The following COL4A1 variants were observed in gnomAD, a reference collection of about 807,000 sequenced individuals.
COL4A1 encodes collagen alpha-1(IV) chain.
In COL4A1, 40 loss-of-function variants were observed where a neutral mutation model predicts 216.6. That is an observed-to-expected ratio of 0.18 (90% CI 0.14 to 0.24). The LOEUF (loss-of-function observed/expected upper bound fraction) is 0.24, where lower values mean the gene tolerates loss of function less well. COL4A1 is among the 10% of genes least tolerant of loss of function. The pLI, the probability that COL4A1 is intolerant of heterozygous loss-of-function variation, is 1.00. For missense variants in COL4A1, 1,628 were observed against 2,196.8 expected, an observed-to-expected ratio of 0.74 and a Z score of 5.18; for synonymous variants, 839 against 810.7, an observed-to-expected ratio of 1.03 and a Z score of -0.59.
intron 1 of COL4A1, among the ~76,000 whole-genome samples, chr13:110,245,590 G>A (rs1881764493): frequency 1.3e-5 from 2 of 152,174 alleles, no homozygotes; most frequent in Admixed American, 1.3e-4. Context: ...ATGGCTATTT[G>A]GTGATCTGGA....
At chr13:110,164,270 T>C in intron 46 of COL4A1, among the ~76,000 whole-genome samples, 1 of 152,158 alleles carries the variant, frequency 6.6e-6, no homozygotes, top group Admixed American at 6.5e-5. Flanking sequence ...CGGCATTACA[T>C]AGGTGTGACC....
At chr13:110,208,935 C>A in intron 11 of COL4A1, 45 bp from the exon 12 acceptor site, 1 of 1,580,160 alleles carries the variant, frequency 6.3e-7, no homozygotes, top group African/African-American at 1.3e-5. Flanking sequence ...TTGTCTACTT[C>A]GTTCAAAGTC....
chr13:110,213,666 C>G (rs1879928244), intron 4 of COL4A1, 116 bp downstream of exon 4: 2 of 1,046,490 alleles, frequency 1.9e-6, no homozygotes, highest in Admixed American at 3.7e-5. Flanking sequence ...GCTGTGTGAG[C>G]TGGGAGAGGA....
chr13:110,163,990 T>C (rs56215481), intron 46 of COL4A1, among the ~76,000 whole-genome samples: 3 of 57,084 alleles, frequency 5.3e-5, no homozygotes, highest in African/African-American at 2.3e-4. Context: ...CTCTCTTTTT[T>C]TTTTTTTTTT....
chr13:110,253,911 A>G (rs894958162), intron 1 of COL4A1, among the ~76,000 whole-genome samples: 1 of 151,838 alleles, frequency 6.6e-6, no homozygotes, highest in Admixed American at 6.6e-5. Flanking sequence ...ATGCCCATCA[A>G]CATGATTAAT....
At position 110,253,607 on chromosome 13, in the gene COL4A1, G is replaced by A. The variant is rs1436491171; in HGVS notation, c.85-10873C>T. Among the ~76,000 whole-genome samples, 9 of 143,206 alleles carry A rather than the reference G, an allele frequency of 6.3e-5. 1 individual carries two copies. The highest frequency in any genetic ancestry group is 2.3e-4 in the African/African-American group (9 of 38,984). The allele number at this position is 143,206 out of a possible 152,430, so 93.9% of individuals were successfully genotyped here. On this transcript the variant is annotated intron_variant, in intron 1 of 51. Coordinates refer to ENST00000375820, the MANE Select transcript of COL4A1 (RefSeq NM_001845.6). ...TATGCATATAATTATACGTATGTATGTATTACATATACTTATAATTATATA... is the reference window on the plus strand; with the variant it reads ...TATGCATATAATTATACGTATGTATATATTACATATACTTATAATTATATA...
chr13:110,305,260 C>A (rs555796308), intron 1 of COL4A1, among the ~76,000 whole-genome samples: 3 of 152,170 alleles, frequency 2.0e-5, no homozygotes, highest in African/African-American at 7.2e-5. Context: ...AGACAGTGGC[C>A]GGGAATGTAA....
In COL4A1 at chr13:110,162,378, G is replaced by A; in HGVS notation, c.4314C>T (p.Gly1438=). The A allele has an allele frequency of 6.2e-7, 1 of 1,614,208 alleles. No homozygotes were observed. The highest frequency in any genetic ancestry group is 1.1e-5 in the South Asian group (1 of 91,086). ...GGAAGCCGTGATCAACAGATGGGGTGCCTGGGGGCCCCATGGATCCTGGCA... is the reference window on the plus strand; with the variant it reads ...GGAAGCCGTGATCAACAGATGGGGTACCTGGGGGCCCCATGGATCCTGGCA... ...DGLPGSMGPP[G]TPSVDHGFLV... is the part of the protein sequence containing the mutation. Residue 1438 remains glycine, a synonymous_variant, in exon 48 of 52, where the codon GGC becomes GGT. Transcript: ENST00000375820.
At chr13:110,246,366 A>G (rs867310647) in intron 1 of COL4A1, among the ~76,000 whole-genome samples, 1 of 152,076 alleles carries the variant, frequency 6.6e-6, no homozygotes, top group South Asian at 2.1e-4. Flanking sequence ...AATACAAAGG[A>G]TGACCTGAGT....
At chr13:110,153,826 GA>G (rs1375083735) in intron 50 of COL4A1, among the ~76,000 whole-genome samples, 4 of 151,982 alleles carry the variant, frequency 2.6e-5, no homozygotes, top group Non-Finnish European at 5.9e-5. Context: ...TCTACACTTG[GA>G]AAAATGTGTA....
chr13:110,226,226 T>C (rs373758314), intron 2 of COL4A1, among the ~76,000 whole-genome samples: 51 of 152,298 alleles, frequency 3.3e-4, no homozygotes, highest in African/African-American at 1.0e-3. Flanking sequence ...AGATGACAGT[T>C]TCAAGAAACT....
chr13:110,187,591 T>C (rs1172996371), intron 24 of COL4A1, among the ~76,000 whole-genome samples: 3 of 152,186 alleles, frequency 2.0e-5, no homozygotes, highest in Non-Finnish European at 4.4e-5. Context: ...GAGGGAGTTA[T>C]AGTGTGGCTT....
chr13:110,161,062 A>G, intron 49 of COL4A1, 130 bp downstream of exon 49: 1 of 1,005,598 alleles, frequency 9.9e-7, no homozygotes, highest in Non-Finnish European at 1.5e-6. Flanking sequence ...ACAAAACTCG[A>G]ATATCACAAA....
At position 110,169,683 on chromosome 13, in the gene COL4A1, T is replaced by G. The variant is rs746243053; in HGVS notation, c.3822A>C (p.Pro1274=). 1 of 1,614,166 alleles carries G rather than the reference T, an allele frequency of 6.2e-7. No individual in the cohort carries two copies. Among genetic ancestry groups the G allele is most frequent in the South Asian group, 1.1e-5 (1 of 91,086 alleles). The change falls in exon 43 of 52, where the codon CCA becomes CCC. Residue 1274 remains proline, a synonymous_variant. Transcript: ENST00000375820. ...VKGDKGNPGW[P]GAPGVPGPKG... ...TGGGCCCTGGGACACCGGGTGCTCCTGGCCAGCCTGGATTTCCTTTGTCAC... is the reference window on the plus strand; with the variant it reads ...TGGGCCCTGGGACACCGGGTGCTCCGGGCCAGCCTGGATTTCCTTTGTCAC...
At chr13:110,231,551 C>A (rs1326553141) in intron 2 of COL4A1, among the ~76,000 whole-genome samples, 1 of 152,138 alleles carries the variant, frequency 6.6e-6, no homozygotes, top group African/African-American at 2.4e-5. Flanking sequence ...CCCTGGAGGT[C>A]TTAGCAGAGT....
chr13:110,287,537 T>A (rs1356992837), intron 1 of COL4A1, among the ~76,000 whole-genome samples: 1 of 152,204 alleles, frequency 6.6e-6, no homozygotes, highest in Admixed American at 6.5e-5. Flanking sequence ...GGGCTCTCAT[T>A]GTATCGGATG....
chr13:110,194,965 G>T, intron 22 of COL4A1, 58 bp downstream of exon 22: 1 of 1,499,886 alleles, frequency 6.7e-7, no homozygotes, highest in Non-Finnish European at 9.3e-7. Flanking sequence ...GTAAGTATGT[G>T]GGAAAAAATC....
intron 1 of COL4A1, among the ~76,000 whole-genome samples, chr13:110,301,539 T>C (rs1045434627): frequency 6.6e-6 from 1 of 152,232 alleles, no homozygotes; most frequent in African/African-American, 2.4e-5. Flanking sequence ...GAGATTACAA[T>C]GCTACTGAAT....
Position 110,216,841 on chromosome 13 carries a change from C to T in COL4A1, c.145-2826G>A, listed in dbSNP as rs375584251. On this transcript the variant is annotated intron_variant, in intron 2 of 51. Transcript: ENST00000375820. ...TTCACAGATAGGGAAATTAAGATTC[C>T]GATGCTTAACTGACTTGTCGTACGT... Among the ~76,000 whole-genome samples, 360 of 152,276 alleles carry T rather than the reference C, an allele frequency of 2.4e-3. 1 individual carries two copies. Among genetic ancestry groups the T allele is most frequent in the African/African-American group, 7.8e-3 (324 of 41,548 alleles).
Sources: gnomAD v4.1 joint callset for allele counts (sites outside exome capture counted in the v4.1 genomes callset) on GRCh38, gnomAD v4.1.1 for gene constraint, MANE v1.5 for transcripts, NCBI Gene and HGNC (gene_info 2026-07-23, HGNC 2026-07-21) for gene names.